The following ZNF682 variants were observed in gnomAD, a reference collection of about 807,000 sequenced individuals.
The protein encoded by ZNF682 is zinc finger protein 682.
A neutral mutation model predicts 36.5 loss-of-function variants in ZNF682; 29 were observed. The observed-to-expected ratio is 0.80, with a 90% CI of 0.59 to 1.08. The LOEUF is 1.08. Among genes scored for constraint, ZNF682 ranks in the 50% least tolerant of loss-of-function variants. The pLI, the probability that ZNF682 is intolerant of heterozygous loss-of-function variation, is 0.00. For synonymous variants in ZNF682, 180 were observed against 197.0 expected (o/e 0.91, Z 0.72); for missense variants, 561 against 579.7 (o/e 0.97, Z 0.33).
At chr19:20,022,260 T>C (rs906205955) in intron 3 of ZNF682, among the ~76,000 whole-genome samples, 5 of 151,810 alleles carry the variant, frequency 3.3e-5, no homozygotes, top group African/African-American at 7.3e-5. Context: ...GTTTGTGGTG[T>C]TACTGGGATT....
chr19:20,018,614 C>T (rs2088358519), intron 3 of ZNF682, among the ~76,000 whole-genome samples: 1 of 151,956 alleles, frequency 6.6e-6, no homozygotes. Flanking sequence ...TTGCTATGGC[C>T]ACACAATGGG....
chr19:20,021,081 C>T (rs183288416), intron 3 of ZNF682, among the ~76,000 whole-genome samples: 20 of 152,178 alleles, frequency 1.3e-4, no homozygotes, highest in Admixed American at 5.2e-4. Flanking sequence ...TCTTGGGCCA[C>T]GCATAAAATA....
At chr19:20,014,666 G>A (rs182410730) in intron 3 of ZNF682, among the ~76,000 whole-genome samples, 2 of 151,254 alleles carry the variant, frequency 1.3e-5, no homozygotes, top group African/African-American at 2.4e-5. Context: ...TGTAGTCCCA[G>A]CTACTCAGGA....
rs775993697 is a variant in ZNF682 at position 20,024,278 on chromosome 19, T to C, written c.102A>G (p.Leu34=). ...AQQSLYRKVM[L]ENYRNLVSLG... ...GAGAGACCAGGTTTCTGTAGTTCTC[T>C]AGCATCACTTTCCTATACAAACTCT... The change falls in exon 2 of 4, where the codon CTA becomes CTG. Residue 34 remains leucine (L), a synonymous_variant. Coordinates refer to ENST00000397165, the MANE Select transcript of ZNF682 (RefSeq NM_033196.3). 6.2e-7 allele frequency: 1 copy of C among 1,614,084 alleles called. No individual in the cohort carries two copies. Among genetic ancestry groups the C allele is most frequent in the Middle Eastern group, 1.6e-4 (1 of 6,062 alleles).
downstream of ZNF682, among the ~76,000 whole-genome samples, chr19:20,000,377 C>T (rs551317105): frequency 5.3e-5 from 8 of 152,282 alleles, no homozygotes; most frequent in South Asian, 2.1e-4. Flanking sequence ...AAGCCTTCTC[C>T]GATAATGCAG....
chr19:20,011,546 T>C (rs189096388), intron 3 of ZNF682, among the ~76,000 whole-genome samples: 20 of 152,326 alleles, frequency 1.3e-4, no homozygotes, highest in Admixed American at 1.3e-3. Flanking sequence ...ATTGACCACA[T>C]GCTCAGTCAA....
chr19:19,996,561 T>A (rs756170949), downstream of ZNF682, among the ~76,000 whole-genome samples: 3 of 152,150 alleles, frequency 2.0e-5, no homozygotes, highest in African/African-American at 4.8e-5. Context: ...GACCATTATT[T>A]TAAGTAAAGT....
rs1213112906 is a variant in ZNF682 at position 20,012,550 on chromosome 19, G to A, written c.227-5275C>T. 2.6e-5 allele frequency among the ~76,000 whole-genome samples: 4 copies of A among 152,004 alleles called. No individual in the cohort carries two copies. In the East Asian group the frequency reaches 5.8e-4, roughly 22 times the overall value. On this transcript the variant is annotated intron_variant, in intron 3 of 3. Transcript: ENST00000397165. ...TGGGAGGCCGAGGCGGGTGGATCACGAGGTCAGGAGATCAAGACCATCCTG... is the reference window on the plus strand; with the variant it reads ...TGGGAGGCCGAGGCGGGTGGATCACAAGGTCAGGAGATCAAGACCATCCTG...
intron 3 of ZNF682, among the ~76,000 whole-genome samples, chr19:20,018,066 G>T (rs1462413494): frequency 2.6e-5 from 3 of 116,136 alleles, no homozygotes; most frequent in African/African-American, 3.2e-5. Flanking sequence ...ATATAGTTAA[G>T]ATTCTCAAAT....
intron 1 of ZNF682, chr19:20,034,396 C>T (rs2088508057): frequency 6.6e-6 from 1 of 152,204 alleles, no homozygotes; most frequent in African/African-American, 2.4e-5. Context: ...TGCGGCATAG[C>T]TAACTGAAGA....
Position 20,006,280 on chromosome 19 carries a change from A to C in ZNF682, c.1222T>G (p.Trp408Gly), listed in dbSNP as rs376633808. The change falls in exon 4 of 4, where the codon TGG becomes GGG. Residue 408 changes from tryptophan to glycine, a missense_variant. Physicochemically the swap from Trp to Gly is radical, Grantham distance 184 (BLOSUM62 -2). Coordinates refer to ENST00000397165, the MANE Select transcript of ZNF682 (RefSeq NM_033196.3). ...KCEECGKAFN[W>G]SSILTEHKRI... ...TTATGTTCAGTAAGGATTGAGGACC[A>C]GTTAAAAGCTTTGCCACATTCTTCA... The C allele has an allele frequency of 1.4e-5, 22 of 1,613,330 alleles. No individual in the cohort carries two copies. In the African/African-American group the frequency reaches 2.9e-4, roughly 22 times the overall value.
chr19:20,008,993 C>T (rs1311858350), intron 3 of ZNF682, among the ~76,000 whole-genome samples: 2 of 152,108 alleles, frequency 1.3e-5, no homozygotes, highest in African/African-American at 4.8e-5. Flanking sequence ...ACAACATACA[C>T]CACAGCCAAA....
chr19:20,026,803 C>T (rs192381960), intron 1 of ZNF682, among the ~76,000 whole-genome samples: 4 of 152,174 alleles, frequency 2.6e-5, no homozygotes, highest in East Asian at 3.9e-4. Context: ...GTCATACACT[C>T]GATGGTGAGA....
downstream of ZNF682, among the ~76,000 whole-genome samples, chr19:20,001,391 T>C (rs2088167523): frequency 6.6e-6 from 1 of 152,200 alleles, no homozygotes; most frequent in South Asian, 2.1e-4. Flanking sequence ...GTTCCTGCAA[T>C]GTGTCATCTC....
chr19:20,039,234 G>T (rs991680849), intron 1 of ZNF682, 109 bp downstream of exon 1: 13 of 1,533,294 alleles, frequency 8.5e-6, no homozygotes, highest in Non-Finnish European at 1.1e-5. Flanking sequence ...ACTCCAGTCC[G>T]CAGACTCCGG....
At chr19:20,020,284 T>G (rs1277739828) in intron 3 of ZNF682, among the ~76,000 whole-genome samples, 1 of 151,850 alleles carries the variant, frequency 6.6e-6, no homozygotes, top group Non-Finnish European at 1.5e-5. Context: ...GATCACGAGG[T>G]CAGGAGTTCG....
At chr19:20,003,352 T>C (rs1186342118), downstream of ZNF682, among the ~76,000 whole-genome samples, 1 of 152,072 alleles carries the variant, frequency 6.6e-6, no homozygotes, top group East Asian at 1.9e-4. Context: ...TTAAATTTTG[T>C]AAAAATTATT....
chr19:20,039,399 C>T lies in ZNF682; in HGVS notation c.-54G>A. The T allele has an allele frequency of 1.2e-6, 2 of 1,607,636 alleles. No homozygotes were observed. Among genetic ancestry groups the T allele is most frequent in the Non-Finnish European group, 1.7e-6 (2 of 1,179,056 alleles). ...TTAGCTCTGGATCTCACAGCATCTG[C>T]AAGTCAGAGGGCAACAGAGGCTGCG... On this transcript the variant is annotated 5_prime_UTR_variant, in exon 1 of 4. Coordinates refer to ENST00000397165, the MANE Select transcript of ZNF682 (RefSeq NM_033196.3).
chr19:20,030,287 G>C (rs976812852), intron 1 of ZNF682, among the ~76,000 whole-genome samples: 2 of 152,112 alleles, frequency 1.3e-5, no homozygotes, highest in Non-Finnish European at 2.9e-5. Flanking sequence ...AATAACTATA[G>C]GGCTGGGCGC....
Sources: gnomAD v4.1 joint callset for allele counts (sites outside exome capture counted in the v4.1 genomes callset) on GRCh38, gnomAD v4.1.1 for gene constraint, MANE v1.5 for transcripts, NCBI Gene and HGNC (gene_info 2026-07-23, HGNC 2026-07-21) for gene names.